The following DGKB variants were observed in gnomAD, a reference collection of about 807,000 sequenced individuals.
The protein encoded by DGKB is 90 kDa diacylglycerol kinase.
Under a neutral mutation model 114.3 loss-of-function variants are expected in DGKB, and 67 were observed. The observed-to-expected ratio is 0.59, with a 90% CI of 0.48 to 0.72. The LOEUF is 0.72. Ranked by LOEUF, DGKB falls within the 30% of genes least tolerant of loss-of-function variation. The pLI is 0.00. For synonymous variants in DGKB, 398 were observed against 323.1 expected, an observed-to-expected ratio of 1.23 and a Z score of -2.49; for missense variants, 907 against 975.2, an observed-to-expected ratio of 0.93 and a Z score of 0.93.
At chr7:14,809,319 T>A (rs1426996863) in intron 2 of DGKB, among the ~76,000 whole-genome samples, 1 of 152,098 alleles carries the variant, frequency 6.6e-6, no homozygotes, top group Non-Finnish European at 1.5e-5. Flanking sequence ...TGCTCCTCAA[T>A]CTCTAGCATT....
At chr7:14,684,587 C>G (rs1821363946) in intron 10 of DGKB, among the ~76,000 whole-genome samples, 1 of 152,142 alleles carries the variant, frequency 6.6e-6, no homozygotes, top group African/African-American at 2.4e-5. Context: ...TAAGAACATT[C>G]TAATTGGCAG....
Position 14,212,860 on chromosome 7 carries a change from T to G in DGKB, c.2123-34709A>C, listed in dbSNP as rs140066216. Among the ~76,000 whole-genome samples, 302 of 152,246 alleles carry G rather than the reference T, an allele frequency of 2.0e-3. 2 individuals are homozygous for G. Among genetic ancestry groups the G allele is most frequent in the East Asian group, 0.016 (85 of 5,168 alleles). On this transcript the variant is annotated intron_variant, in intron 23 of 25. Transcript: ENST00000402815. The stretch of plus-strand genomic sequence containing the variant: ...ATTTTTGACATCTCTGTCTTGTTCC[T>G]TTTCCAAATCGATCAATTAGTAAGT...
At chr7:14,964,265 G>A (rs1336062351) in intron 1 of DGKB, among the ~76,000 whole-genome samples, 1 of 152,142 alleles carries the variant, frequency 6.6e-6, no homozygotes, top group East Asian at 1.9e-4. Context: ...CAGCACTTTA[G>A]GAGGCCAGAC....
chr7:14,413,446 A>G (rs1010196908), intron 21 of DGKB, among the ~76,000 whole-genome samples: 3 of 152,176 alleles, frequency 2.0e-5, no homozygotes, highest in Non-Finnish European at 2.9e-5. Context: ...GGAGATGCCA[A>G]TGTGGTAGTT....
intron 23 of DGKB, among the ~76,000 whole-genome samples, chr7:14,239,406 C>T (rs1469615023): frequency 2.6e-5 from 4 of 151,796 alleles, no homozygotes; most frequent in African/African-American, 9.7e-5. Flanking sequence ...CAAAACAGCT[C>T]GCTACTGTTT....
In DGKB at chr7:14,279,224, G is replaced by A. The variant is rs546683924; in HGVS notation, c.2122+59291C>T. Among the ~76,000 whole-genome samples the A allele has an allele frequency of 2.1e-5, 3 of 145,556 alleles. No homozygotes were observed. The East Asian group carries it at 5.9e-4, about 29-fold the overall frequency. The stretch of plus-strand genomic sequence containing the variant: ...GATTATATCCCGCACGTGGCTCGGA[G>A]GGTCCTACCCCCACGGAGTCTCGCT... On this transcript the variant is annotated intron_variant, in intron 23 of 25. Transcript: ENST00000402815.
At chr7:14,698,036 A>G (rs1824382584) in intron 8 of DGKB, 59 bp downstream of exon 8, 1 of 869,110 alleles carries the variant, frequency 1.2e-6, no homozygotes, top group Non-Finnish European at 1.9e-6. Context: ...AGAAAGAAAG[A>G]AAAGAAAGAA....
At chr7:14,557,872 A>G (rs1287305480) in intron 20 of DGKB, among the ~76,000 whole-genome samples, 1 of 151,764 alleles carries the variant, frequency 6.6e-6, no homozygotes, top group African/African-American at 2.4e-5. Flanking sequence ...TTATTATGGT[A>G]TACAAAAATT....
At chr7:14,648,124 G>A (rs190675597) in intron 13 of DGKB, among the ~76,000 whole-genome samples, 4,804 of 152,332 alleles carry the variant, frequency 0.032, 124 homozygotes, top group Middle Eastern at 0.078. Flanking sequence ...CAGGAAGCTG[G>A]AACTGGGTGG....
At chr7:14,819,084 G>A (rs951612878) in intron 2 of DGKB, among the ~76,000 whole-genome samples, 4 of 151,940 alleles carry the variant, frequency 2.6e-5, no homozygotes, top group Admixed American at 6.6e-5. Flanking sequence ...CTTAGTCTAC[G>A]CCCTGTCCTT....
rs1220012017 is a variant in DGKB, at chr7:14,660,035, T to A, written c.1134+12894A>T. Among the ~76,000 whole-genome samples the A allele has an allele frequency of 2.0e-5, 3 of 151,186 alleles. No homozygotes were observed. In the East Asian group the frequency reaches 6.1e-4, roughly 31 times the overall value. On this transcript the variant is annotated intron_variant, in intron 13 of 25. Transcript: ENST00000402815. ...GCTCTGTTTATATGCTGGATTACAT[T>A]TATTGATTTGCGTGTATTGAACCAG... is the stretch of plus-strand genomic sequence containing the variant.
intron 1 of DGKB, among the ~76,000 whole-genome samples, chr7:14,870,617 G>T (rs1383195622): frequency 6.6e-6 from 1 of 152,090 alleles, no homozygotes; most frequent in Non-Finnish European, 1.5e-5. Context: ...CCAACATGGT[G>T]AAAGTCCGTC....
rs547694871 is a variant in DGKB, at chr7:14,295,435, A to T, written c.2122+43080T>A. On this transcript the variant is annotated intron_variant, in intron 23 of 25. Transcript: ENST00000402815. ...CTTCGGGGGCCAAAAGTGTGTTTGA[A>T]TTATAATTCTCCAAAGCCTAAAATC... 5.3e-5 allele frequency among the ~76,000 whole-genome samples: 8 copies of T among 152,234 alleles called. No individual in the cohort carries two copies. The East Asian group carries it at 1.5e-3, about 29-fold the overall frequency.
intron 21 of DGKB, among the ~76,000 whole-genome samples, chr7:14,384,576 C>A (rs1487436046): frequency 6.6e-6 from 1 of 152,156 alleles, no homozygotes; most frequent in East Asian, 1.9e-4. Context: ...GAAGTTAGGG[C>A]CCACAGAACT....
At chr7:14,221,184 C>G (rs895533611) in intron 23 of DGKB, among the ~76,000 whole-genome samples, 3 of 150,784 alleles carry the variant, frequency 2.0e-5, no homozygotes, top group African/African-American at 7.3e-5. Flanking sequence ...ATTTATTTTT[C>G]TTGCCTAATT....
intron 23 of DGKB, among the ~76,000 whole-genome samples, chr7:14,238,329 C>G (rs111288470): frequency 1.3e-5 from 2 of 151,962 alleles, no homozygotes; most frequent in African/African-American, 4.8e-5. Flanking sequence ...CTTTCTTGCT[C>G]TGACATGTGA....
chr7:14,195,280 C>T (rs1045418849), intron 23 of DGKB, among the ~76,000 whole-genome samples: 8 of 152,086 alleles, frequency 5.3e-5, no homozygotes, highest in African/African-American at 7.2e-5. Context: ...AGCTACTTCA[C>T]GTGTCTCCTC....
At chr7:14,736,748 C>G (rs562146286) in intron 4 of DGKB, among the ~76,000 whole-genome samples, 3 of 152,296 alleles carry the variant, frequency 2.0e-5, no homozygotes, top group African/African-American at 4.8e-5. Flanking sequence ...CGCAGACTTT[C>G]CAAAGAAACA....
At chr7:14,697,744 G>GAAAGA in intron 8 of DGKB, among the ~76,000 whole-genome samples, 1 of 48,666 alleles carries the variant, frequency 2.1e-5, no homozygotes, top group East Asian at 1.1e-3. Flanking sequence ...AAAGAAGGAG[G>GAAAGA]AAAGAAAGAA....
Sources: allele counts gnomAD v4.1 joint callset (sites outside exome capture counted in the v4.1 genomes callset), GRCh38; gene constraint gnomAD v4.1.1; transcripts MANE v1.5; gene names NCBI Gene and HGNC (gene_info 2026-07-23, HGNC 2026-07-21).